Variants in CFAP54 observed in about 807,000 individuals in gnomAD.
The protein encoded by CFAP54 is cilia and flagella associated protein 54.
In CFAP54, 290 loss-of-function variants were observed where a neutral mutation model predicts 370.4. The observed-to-expected ratio is 0.78, with a 90% CI of 0.71 to 0.86. The LOEUF (loss-of-function observed/expected upper bound fraction) is 0.86, where lower values mean the gene tolerates loss of function less well. CFAP54 is among the 40% of genes least tolerant of loss of function. The probability of loss-of-function intolerance (pLI) is 0.00; values close to 1 mark genes in which losing one functional copy is unlikely to be tolerated. For missense variants in CFAP54, 3,399 were observed against 3,528.7 expected (o/e 0.96, Z 0.93); for synonymous variants, 1,206 against 1,236.5 (o/e 0.98, Z 0.52).
chr12:96,824,270 C>T (rs1959062889), intron 65 of CFAP54, among the ~76,000 whole-genome samples: 2 of 152,128 alleles, frequency 1.3e-5, no homozygotes, highest in South Asian at 4.1e-4. Context: ...AATTTCAGAA[C>T]ATGTGTATGC....
At chr12:96,852,306 C>G (rs191187875) in intron 66 of CFAP54, among the ~76,000 whole-genome samples, 1 of 152,084 alleles carries the variant, frequency 6.6e-6, no homozygotes, top group Admixed American at 6.5e-5. Flanking sequence ...TAGATAGTCT[C>G]TATATATTTA....
At position 96,704,777 on chromosome 12, in the gene CFAP54, C is replaced by T. The variant is rs1462927839; in HGVS notation, c.6509C>T (p.Thr2170Ile). Reference protein sequence around the residue: ...FQSFDSGKLLTSKENIQAIDE... With the variant: ...FQSFDSGKLLISKENIQAIDE... ...TCATTTGACTCAGGAAAACTTCTTA[C>T]CAGTAAAGAAAATATACAGGTAAGG... The change falls in exon 47 of 68, where the codon ACC becomes ATC. Residue 2170 changes from threonine to isoleucine, a missense_variant. Thr to Ile is a moderately conservative substitution (Grantham distance 89, BLOSUM62 -1). Coordinates refer to ENST00000524981, the MANE Select transcript of CFAP54 (RefSeq NM_001306084.2). 5.9e-6 allele frequency: 7 copies of T among 1,194,480 alleles called. No individual in the cohort carries two copies. The highest frequency in any genetic ancestry group is 4.1e-4 in the Middle Eastern group (2 of 4,932). The allele number at this position is 1,194,480 out of a possible 1,614,324, so 74.0% of individuals were successfully genotyped here.
intron 15 of CFAP54, among the ~76,000 whole-genome samples, chr12:96,551,493 G>A (rs1030989538): frequency 6.8e-6 from 1 of 147,420 alleles, no homozygotes; most frequent in African/African-American, 2.5e-5. Context: ...GTATGTGTGT[G>A]TGTGTGTGTG....
chr12:96,647,034 A>C (rs1368068080), intron 33 of CFAP54: 1 of 152,190 alleles, frequency 6.6e-6, no homozygotes, highest in Admixed American at 6.5e-5. Flanking sequence ...GCACACCAAC[A>C]TGGCACATGT....
intron 60 of CFAP54, among the ~76,000 whole-genome samples, chr12:96,771,397 A>T (rs1212265692): frequency 6.6e-6 from 1 of 152,224 alleles, no homozygotes; most frequent in Non-Finnish European, 1.5e-5. Context: ...TCACGCCTGT[A>T]ATCCCAGCAC....
chr12:96,558,862 G>A (rs1194616212), intron 17 of CFAP54, among the ~76,000 whole-genome samples: 1 of 152,128 alleles, frequency 6.6e-6, no homozygotes, highest in East Asian at 1.9e-4. Context: ...GGCAACCAGA[G>A]CAAAATGGAC....
At position 96,658,087 on chromosome 12, in the gene CFAP54, A is replaced by G; in HGVS notation, c.5306A>G (p.Gln1769Arg). The G allele has an allele frequency of 6.2e-7, 1 of 1,612,922 alleles. No homozygotes were observed. The highest frequency in any genetic ancestry group is 8.5e-7 in the Non-Finnish European group (1 of 1,179,244). ...GAAACACTAGTATCTCTTGCCATTC[A>G]GTTCAATACAGTTTCACAGTAAGTA... ...KWETLVSLAI[Q>R]FNTVSHERYT... Residue 1769 changes from glutamine to arginine, a missense_variant, in exon 37 of 68, where the codon CAG (glutamine) becomes CGG (arginine). Physicochemically the swap from Gln to Arg is conservative, Grantham distance 43 (BLOSUM62 1). Around this residue, in one of 3 missense-constraint regions of CFAP54, gnomAD observed 2,796 missense variants for 2,869.7 expected, o/e 0.97. Transcript: ENST00000524981.
At chr12:96,811,707 AT>A in intron 63 of CFAP54, 28 bp from the exon 64 acceptor site, 1 of 1,220,654 alleles carries the variant, frequency 8.2e-7, no homozygotes. Context: ...TTGATGTCAC[AT>A]TTTATACCCC....
chr12:96,710,784 T>C (rs1036864982), intron 48 of CFAP54, among the ~76,000 whole-genome samples: 2 of 152,080 alleles, frequency 1.3e-5, no homozygotes, highest in African/African-American at 4.8e-5. Flanking sequence ...CTCAGTCTCC[T>C]GGGTAACTGG....
At chr12:96,857,578 G>A (rs1440454274) in intron 66 of CFAP54, among the ~76,000 whole-genome samples, 1 of 152,086 alleles carries the variant, frequency 6.6e-6, no homozygotes, top group Admixed American at 6.5e-5. Context: ...GATATGATTT[G>A]GCTCTGTATC....
chr12:96,603,468 C>T lies in CFAP54; in HGVS notation c.3639+4701C>T, dbSNP rs537097583. Among the ~76,000 whole-genome samples the T allele has an allele frequency of 3.0e-3, 461 of 152,202 alleles. 4 individuals carry two copies. The highest frequency in any genetic ancestry group is 0.01 in the African/African-American group (419 of 41,534). On this transcript the variant is annotated intron_variant, in intron 26 of 67. Transcript: ENST00000524981. ...CTCTTCTTGAGGAGTATCTTTGTGG[C>T]GTTCTCTGTATTTCCTGAATTTGAA...
At chr12:96,738,835 C>T (rs1337846347) in intron 50 of CFAP54, among the ~76,000 whole-genome samples, 1 of 152,156 alleles carries the variant, frequency 6.6e-6, no homozygotes, top group Non-Finnish European at 1.5e-5. Context: ...TGGCCTTGAT[C>T]TTCTGACTTC....
intron 50 of CFAP54, 39 bp from the exon 51 acceptor site, chr12:96,739,917 A>G (rs1043464213): frequency 4.1e-6 from 5 of 1,206,412 alleles, no homozygotes; most frequent in Non-Finnish European, 5.9e-6. Flanking sequence ...TGCCACAAAT[A>G]TAATACTGAT....
intron 5 of CFAP54, among the ~76,000 whole-genome samples, chr12:96,515,694 A>G (rs1565881090): frequency 6.6e-6 from 1 of 152,266 alleles, no homozygotes; most frequent in South Asian, 2.1e-4. Context: ...TCCCGTTTTT[A>G]TAGGATCTAG....
At position 96,635,999 on chromosome 12, in the gene CFAP54, G is replaced by A. The variant is rs116534314; in HGVS notation, c.4316+5348G>A. Among the ~76,000 whole-genome samples, 717 of 152,256 alleles carry A rather than the reference G, an allele frequency of 4.7e-3. 5 individuals are homozygous for A. Among genetic ancestry groups the A allele is most frequent in the African/African-American group, 0.016 (681 of 41,552 alleles). On this transcript the variant is annotated intron_variant, in intron 32 of 67. Coordinates refer to ENST00000524981, the MANE Select transcript of CFAP54 (RefSeq NM_001306084.2). ...GCAGCCACCCTCCCCTCCAGGAGGT[G>A]GGAGGGGTGGGGCTGAAAGGTCTCA...
intron 14 of CFAP54, among the ~76,000 whole-genome samples, chr12:96,544,424 C>A (rs1039719571): frequency 1.5e-3 from 225 of 149,900 alleles, no homozygotes; most frequent in African/African-American, 5.0e-3. Context: ...CTCTCTCTCT[C>A]TCTCTCTCTC....
Position 96,508,607 on chromosome 12 carries a change from T to TTTA in CFAP54, c.739+1508_739+1509insTTA, listed in dbSNP as rs578212235. On this transcript the variant is annotated intron_variant, in intron 4 of 67. Transcript: ENST00000524981. ...GGCCTCTCAATTTTTTTTTTTTTTT[T>TTTA]AAAAGATTATTTCTGTATCCTTGAT... 3.7e-3 allele frequency among the ~76,000 whole-genome samples: 544 copies of TTTA among 149,022 alleles called. 2 individuals are homozygous for TTTA. Among genetic ancestry groups the TTTA allele is most frequent in the African/African-American group, 0.012 (483 of 40,360 alleles).
chr12:96,791,344 A>T (rs554910190), intron 62 of CFAP54, among the ~76,000 whole-genome samples: 65 of 152,046 alleles, frequency 4.3e-4, no homozygotes, highest in African/African-American at 1.5e-3. Flanking sequence ...TGTTTTGTTG[A>T]TCATTAGCAA....
chr12:96,519,167 C>T lies in CFAP54; in HGVS notation c.942+96C>T, dbSNP rs952005814. ...AGGCTGGAGTGCAGTGATGTGATCTCGGCTCACTGCAACGTCCACCTCCCA... is the reference window on the plus strand; with the variant it reads ...AGGCTGGAGTGCAGTGATGTGATCTTGGCTCACTGCAACGTCCACCTCCCA... On this transcript the variant is annotated intron_variant, in intron 6 of 67. Transcript: ENST00000524981. 1.3e-5 allele frequency: 16 copies of T among 1,217,808 alleles called. No homozygotes were observed. In the Admixed American group the frequency reaches 2.4e-4, roughly 18 times the overall value. 75.4% of individuals were successfully genotyped at this position (1,217,808 alleles called of 1,614,324 possible). A position where few individuals can be genotyped will look rare whatever the true frequency, so the allele number is the denominator to read the frequency against.
Sources: allele counts gnomAD v4.1 joint callset (sites outside exome capture counted in the v4.1 genomes callset), GRCh38; gene constraint gnomAD v4.1.1; regional missense constraint gnomAD v4.1.1; transcripts MANE v1.5; gene names NCBI Gene and HGNC (gene_info 2026-07-23, HGNC 2026-07-21).